The following ARHGEF11 variants were observed in gnomAD, a reference collection of about 807,000 sequenced individuals.
The protein encoded by ARHGEF11 is Rho guanine exchange factor (GEF) 11.
ARHGEF11 carries 55 observed loss-of-function variants against 193.7 expected under a neutral mutation model. The observed-to-expected ratio is 0.28, with a 90% CI of 0.23 to 0.36. The LOEUF is 0.36. Among genes scored for constraint, ARHGEF11 ranks in the 10% least tolerant of loss-of-function variants. The probability of loss-of-function intolerance (pLI) is 1.00; values close to 1 mark genes in which losing one functional copy is unlikely to be tolerated. For synonymous variants in ARHGEF11, 693 were observed against 768.0 expected, an observed-to-expected ratio of 0.90 and a Z score of 1.62; for missense variants, 1,723 against 2,005.6, an observed-to-expected ratio of 0.86 and a Z score of 2.69.
chr1:156,963,486 A>T, intron 12 of ARHGEF11, 34 bp downstream of exon 12: 1 of 1,606,260 alleles, frequency 6.2e-7, no homozygotes, highest in Non-Finnish European at 8.5e-7. Context: ...TGACAAAAAA[A>T]AATGATGAAA....
intron 32 of ARHGEF11, 38 bp from the exon 33 acceptor site, chr1:156,942,818 G>T (rs1366171161): frequency 1.3e-6 from 2 of 1,576,900 alleles, no homozygotes; most frequent in East Asian, 4.5e-5. Flanking sequence ...TCTGTACTAG[G>T]GATGGCAGGT....
intron 1 of ARHGEF11, among the ~76,000 whole-genome samples, chr1:157,007,917 T>G (rs865930128): frequency 2.2e-3 from 307 of 137,302 alleles, no homozygotes; most frequent in African/African-American, 7.4e-3. Context: ...TTTTTTGTTT[T>G]TTTTTTTTTT....
intron 1 of ARHGEF11, among the ~76,000 whole-genome samples, chr1:157,022,615 T>G (rs1670128812): frequency 6.6e-6 from 1 of 152,228 alleles, no homozygotes. Flanking sequence ...TCTACAGATT[T>G]GATGCAATCC....
At chr1:156,962,494 G>A (rs866392459) in intron 13 of ARHGEF11, among the ~76,000 whole-genome samples, 5 of 152,004 alleles carry the variant, frequency 3.3e-5, no homozygotes, top group Middle Eastern at 3.2e-3. Flanking sequence ...ACCTTCACAC[G>A]GAAGACCCTT....
chr1:157,032,498 G>A (rs567238577), intron 1 of ARHGEF11, among the ~76,000 whole-genome samples: 119 of 152,266 alleles, frequency 7.8e-4, no homozygotes, highest in African/African-American at 2.7e-3. Context: ...TTTGGGTGGG[G>A]CCCACAGACC....
chr1:156,983,513 C>T (rs1319777798), intron 3 of ARHGEF11, among the ~76,000 whole-genome samples: 1 of 152,242 alleles, frequency 6.6e-6, no homozygotes, highest in Non-Finnish European at 1.5e-5. Flanking sequence ...TGAGCCACCA[C>T]AGCTGGCCAC....
At chr1:157,027,489 C>G (rs922040976) in intron 1 of ARHGEF11, among the ~76,000 whole-genome samples, 6 of 152,032 alleles carry the variant, frequency 3.9e-5, no homozygotes, top group South Asian at 2.1e-4. Context: ...CAAAAGGGAC[C>G]TACATGGTGA....
rs534893600 is a variant in ARHGEF11 at position 157,013,299 on chromosome 1, A to ACACACACC, written c.33-27127_33-27126insGGTGTGTG. 4.4e-3 allele frequency among the ~76,000 whole-genome samples: 657 copies of ACACACACC among 148,714 alleles called. 4 individuals carry two copies. The highest frequency in any genetic ancestry group is 0.012 in the African/African-American group (476 of 40,488). On this transcript the variant is annotated intron_variant, in intron 1 of 40. Coordinates refer to ENST00000368194, the MANE Select transcript of ARHGEF11 (RefSeq NM_198236.3). The stretch of plus-strand genomic sequence containing the variant: ...CACACACACACACACACACACACAC[A>ACACACACC]CCAAGAACCTTCTCCGGTGGGTGGG...
intron 1 of ARHGEF11, among the ~76,000 whole-genome samples, chr1:156,991,810 G>A (rs1479262136): frequency 7.5e-6 from 1 of 134,046 alleles, no homozygotes; most frequent in Non-Finnish European, 1.5e-5. Context: ...TCCGCCTCCC[G>A]GGTTCACGCC....
chr1:156,941,602 G>C (rs1284763335), intron 34 of ARHGEF11, among the ~76,000 whole-genome samples, 169 bp from the exon 35 acceptor site: 2 of 152,184 alleles, frequency 1.3e-5, no homozygotes, highest in East Asian at 3.8e-4. Flanking sequence ...AGCTTCTCTG[G>C]TCCCTTGCTC....
Position 156,948,243 on chromosome 1 carries a change from T to C in ARHGEF11, c.2106-15A>G. The C allele has an allele frequency of 6.3e-7, 1 of 1,594,856 alleles. No individual in the cohort carries two copies. Among genetic ancestry groups the C allele is most frequent in the Non-Finnish European group, 8.6e-7 (1 of 1,167,146 alleles). ...TCTCAAGAGACCTGTGGAGGGAATG[T>C]CAACTCTCAGCAACCCTCTATCCTT... On this transcript the variant is annotated splice_polypyrimidine_tract_variant and intron_variant, in intron 23 of 40. Coordinates refer to ENST00000368194, the MANE Select transcript of ARHGEF11 (RefSeq NM_198236.3). The surrounding 1 kb of genome is among the most constrained non-coding windows in gnomAD (Gnocchi z 4.2).
intron 17 of ARHGEF11, 64 bp from the exon 18 acceptor site, chr1:156,957,879 G>A (rs1206204716): frequency 6.4e-7 from 1 of 1,560,728 alleles, no homozygotes; most frequent in Admixed American, 1.7e-5. Flanking sequence ...CCTGGTTAGA[G>A]GCTAGGAGGA....
At chr1:157,010,409 T>C (rs1668404964) in intron 1 of ARHGEF11, among the ~76,000 whole-genome samples, 1 of 152,246 alleles carries the variant, frequency 6.6e-6, no homozygotes, top group East Asian at 1.9e-4. Flanking sequence ...AAGATCAGCA[T>C]ATGAAAAATT....
rs750700288 is a variant in ARHGEF11 at position 156,969,362 on chromosome 1, A to C, written c.749-4T>G. The C allele has an allele frequency of 1.2e-6, 2 of 1,601,930 alleles. No individual in the cohort carries two copies. The highest frequency in any genetic ancestry group is 4.5e-5 in the East Asian group (2 of 44,602). The stretch of plus-strand genomic sequence containing the variant: ...TGGGAATCCAGAGAGAGCCGGCCTG[A>C]GAAGAAAATAGTTTCTATAACACAG... On this transcript the variant is annotated splice_polypyrimidine_tract_variant and splice_region_variant and intron_variant, in intron 9 of 40. Transcript: ENST00000368194.
intron 25 of ARHGEF11, 98 bp downstream of exon 25, chr1:156,947,671 C>A: frequency 6.7e-7 from 1 of 1,484,628 alleles, no homozygotes. Context: ...CAGGGGCCCC[C>A]CACCCTATTT....
chr1:156,941,805 C>G lies in ARHGEF11; in HGVS notation c.3452+59G>C, dbSNP rs1216097781. The stretch of plus-strand genomic sequence containing the variant: ...ACGGGGGCGAAGGGCTTAAAAGCAG[C>G]AGGAAACAGGAGGTTTGGAGTGGAG... On this transcript the variant is annotated intron_variant, in intron 34 of 40. Coordinates refer to ENST00000368194, the MANE Select transcript of ARHGEF11 (RefSeq NM_198236.3). 5.8e-6 allele frequency: 9 copies of G among 1,541,906 alleles called. 1 individual carries two copies. Among genetic ancestry groups the G allele is most frequent in the Middle Eastern group, 4.3e-4 (2 of 4,600 alleles).
rs776704113 is a variant in ARHGEF11, at chr1:156,948,188, C to T, written c.2146G>A (p.Gly716Ser). The change falls in exon 24 of 41, where the codon GGC (glycine) becomes AGC (serine). Residue 716 changes from glycine to serine, a missense_variant. Around this residue, in one of 5 missense-constraint regions of ARHGEF11, gnomAD observed 491 missense variants for 654.5 expected, o/e 0.75. Transcript: ENST00000368194. The surrounding 1 kb of genome is among the most constrained non-coding windows in gnomAD (Gnocchi z 4.2). Reference protein sequence around the residue: ...NPTPPFTPKMGRRSIESPSLG... With the variant: ...NPTPPFTPKMSRRSIESPSLG... ...ACCGTGCCCATCACTTACCTGCGGC[C>T]CATTTTGGGAGTGAATGGAGGGGTT... 1.1e-5 allele frequency: 17 copies of T among 1,567,906 alleles called. No homozygotes were observed. The Admixed American group carries it at 3.0e-4, about 28-fold the overall frequency.
chr1:156,958,699 G>T (rs1258973530), intron 17 of ARHGEF11, 43 bp downstream of exon 17: 1 of 1,613,062 alleles, frequency 6.2e-7, no homozygotes, highest in African/African-American at 1.3e-5. Context: ...ATGTCAACCT[G>T]CTTAGGATGT....
At chr1:157,011,663 G>A (rs1016131042) in intron 1 of ARHGEF11, among the ~76,000 whole-genome samples, 1 of 152,012 alleles carries the variant, frequency 6.6e-6, no homozygotes. Context: ...ATTAAAAAAT[G>A]GGCAAAGATC....
Sources: allele counts gnomAD v4.1 joint callset (sites outside exome capture counted in the v4.1 genomes callset), GRCh38; gene constraint gnomAD v4.1.1; regional missense constraint gnomAD v4.1.1; non-coding constraint Gnocchi (gnomAD v3.1); transcripts MANE v1.5; gene names NCBI Gene and HGNC (gene_info 2026-07-23, HGNC 2026-07-21).